CCDC148: variants seen among roughly 807,000 people sequenced by gnomAD.
The protein encoded by CCDC148 is coiled-coil domain-containing protein 148.
A neutral mutation model predicts 85.7 loss-of-function variants in CCDC148; 89 were observed. The observed-to-expected ratio is 1.04, with a 90% CI of 0.87 to 1.24. The LOEUF is 1.24. CCDC148 is among the 50% of genes most tolerant of loss of function. The probability of loss-of-function intolerance (pLI) is 0.00; values close to 1 mark genes in which losing one functional copy is unlikely to be tolerated. For synonymous variants in CCDC148, 230 were observed against 213.9 expected (o/e 1.08, Z -0.66); for missense variants, 692 against 671.7 (o/e 1.03, Z -0.33).
chr2:158,320,353 G>A (rs190358063), intron 7 of CCDC148, among the ~76,000 whole-genome samples: 17 of 152,080 alleles, frequency 1.1e-4, no homozygotes, highest in Non-Finnish European at 1.8e-4. Context: ...GCACTAATAC[G>A]GCAAATAAAC....
intron 1 of CCDC148, among the ~76,000 whole-genome samples, chr2:158,452,003 G>C (rs1688424040): frequency 6.6e-6 from 1 of 152,168 alleles, no homozygotes; most frequent in Non-Finnish European, 1.5e-5. Context: ...GTTTATTTAA[G>C]TATGACCTTA....
intron 9 of CCDC148, among the ~76,000 whole-genome samples, chr2:158,291,615 C>T (rs1413694662): frequency 6.6e-6 from 1 of 152,118 alleles, no homozygotes; most frequent in Admixed American, 6.5e-5. Flanking sequence ...CCTCGTTAGG[C>T]TATGTGCTGT....
chr2:158,288,778 C>A, intron 9 of CCDC148: 1 of 406,620 alleles, frequency 2.5e-6, no homozygotes. Context: ...CTTCACTCTA[C>A]TGGTACCAAT....
chr2:158,365,360 T>C (rs565103056), intron 1 of CCDC148, among the ~76,000 whole-genome samples: 2 of 152,298 alleles, frequency 1.3e-5, no homozygotes, highest in South Asian at 4.1e-4. Flanking sequence ...TGCACACATA[T>C]GTTTATTGTG....
intron 11 of CCDC148, among the ~76,000 whole-genome samples, chr2:158,182,815 A>C (rs950897514): frequency 1.3e-5 from 2 of 152,174 alleles, no homozygotes; most frequent in Non-Finnish European, 1.5e-5. Flanking sequence ...TTCTTTGCCT[A>C]AAGAGAAGTG....
chr2:158,397,352 G>GA (rs1207212092), intron 1 of CCDC148, among the ~76,000 whole-genome samples: 1 of 152,066 alleles, frequency 6.6e-6, no homozygotes, highest in African/African-American at 2.4e-5. Context: ...GGAAATGAAG[G>GA]AAAAAATGTT....
intron 9 of CCDC148, among the ~76,000 whole-genome samples, chr2:158,260,943 G>C (rs12995965): frequency 1.3e-5 from 2 of 151,718 alleles, no homozygotes; most frequent in Non-Finnish European, 2.9e-5. Flanking sequence ...ATACTGCCCA[G>C]AGCAATTTAC....
chr2:158,297,235 T>A (rs954056729), intron 9 of CCDC148, among the ~76,000 whole-genome samples: 1 of 152,206 alleles, frequency 6.6e-6, no homozygotes, highest in African/African-American at 2.4e-5. Context: ...CGAAGTATAT[T>A]GTGTGGAGAT....
chr2:158,299,710 G>A (rs956000803), intron 9 of CCDC148, among the ~76,000 whole-genome samples: 1 of 152,132 alleles, frequency 6.6e-6, no homozygotes, highest in African/African-American at 2.4e-5. Flanking sequence ...CTGGAACTCA[G>A]AAAACTCTAT....
intron 1 of CCDC148, among the ~76,000 whole-genome samples, chr2:158,389,398 T>C (rs1685214369): frequency 6.6e-6 from 1 of 152,210 alleles, no homozygotes; most frequent in African/African-American, 2.4e-5. Context: ...AGTTTATGTA[T>C]GACAGAATTC....
At chr2:158,283,663 T>G (rs1182593694) in intron 9 of CCDC148, among the ~76,000 whole-genome samples, 1 of 151,872 alleles carries the variant, frequency 6.6e-6, no homozygotes, top group African/African-American at 2.4e-5. Context: ...TAGGAACACT[T>G]TTACACTGTT....
intron 9 of CCDC148, among the ~76,000 whole-genome samples, chr2:158,267,986 A>G (rs1689542077): frequency 6.6e-6 from 1 of 152,194 alleles, no homozygotes; most frequent in African/African-American, 2.4e-5. Flanking sequence ...GATTGTTTAT[A>G]CATTCATTAG....
chr2:158,177,242 A>C (rs1684635558), intron 12 of CCDC148, among the ~76,000 whole-genome samples: 1 of 151,882 alleles, frequency 6.6e-6, no homozygotes, highest in Non-Finnish European at 1.5e-5. Context: ...AAAATTGCAA[A>C]GTCATTTTAA....
At position 158,406,623 on chromosome 2, in the gene CCDC148, T is replaced by TCTGTTTTTTTTTTTTGTTTTTG. The variant is rs372903099; in HGVS notation, c.26-48054_26-48053insCAAAAACAAAAAAAAAAAACAG. Among the ~76,000 whole-genome samples, 585 of 102,570 alleles carry TCTGTTTTTTTTTTTTGTTTTTG rather than the reference T, an allele frequency of 5.7e-3. 15 individuals are homozygous for TCTGTTTTTTTTTTTTGTTTTTG. The highest frequency in any genetic ancestry group is 0.012 in the East Asian group (47 of 3,908). 67.3% of individuals were successfully genotyped at this position (102,570 alleles called of 152,430 possible). On this transcript the variant is annotated intron_variant, in intron 1 of 13. Transcript: ENST00000283233. ...AAACAGATTAAATTTCTTTTTTTTT[T>TCTGTTTTTTTTTTTTGTTTTTG]TTTTTTTTTTTTTTTTTGAGACAGT...
At chr2:158,364,790 A>G (rs1684124269) in intron 1 of CCDC148, among the ~76,000 whole-genome samples, 2 of 152,228 alleles carry the variant, frequency 1.3e-5, no homozygotes, top group African/African-American at 2.4e-5. Context: ...AGCAATGGCA[A>G]CAAAAGCCAA....
intron 1 of CCDC148, among the ~76,000 whole-genome samples, chr2:158,413,513 G>A (rs952039228): frequency 1.3e-5 from 2 of 151,984 alleles, no homozygotes; most frequent in African/African-American, 2.4e-5. Context: ...AAGCCCAGCT[G>A]TAGGTTAGCT....
At chr2:158,279,440 T>C (rs1413172544) in intron 9 of CCDC148, among the ~76,000 whole-genome samples, 3 of 152,184 alleles carry the variant, frequency 2.0e-5, no homozygotes, top group Admixed American at 6.5e-5. Context: ...AAGGAGCTGA[T>C]GGAGCTGAAA....
At chr2:158,371,352 T>C (rs1336848404) in intron 1 of CCDC148, among the ~76,000 whole-genome samples, 4 of 152,014 alleles carry the variant, frequency 2.6e-5, no homozygotes, top group Non-Finnish European at 5.9e-5. Context: ...GGGAAATAAG[T>C]AGTTTAGTTT....
At chr2:158,280,422 AT>A (rs1477429091) in intron 9 of CCDC148, among the ~76,000 whole-genome samples, 1 of 152,172 alleles carries the variant, frequency 6.6e-6, no homozygotes, top group Non-Finnish European at 1.5e-5. Context: ...AAATAAAGGG[AT>A]GGAGGAAGAT....
Sources: gnomAD v4.1 joint callset for allele counts (sites outside exome capture counted in the v4.1 genomes callset) on GRCh38, gnomAD v4.1.1 for gene constraint, MANE v1.5 for transcripts, NCBI Gene and HGNC (gene_info 2026-07-23, HGNC 2026-07-21) for gene names.